The following GPC6 variants were observed in gnomAD, a reference collection of about 807,000 sequenced individuals.
The protein encoded by GPC6 is glypican 6.
In GPC6, 14 loss-of-function variants were observed where a neutral mutation model predicts 55.2. The ratio of observed to expected loss-of-function variants is 0.25; its 90% CI spans 0.17 to 0.40. The LOEUF is 0.40. GPC6 is among the 10% of genes least tolerant of loss of function. The pLI, the probability that GPC6 is intolerant of heterozygous loss-of-function variation, is 1.00. For synonymous variants in GPC6, 278 were observed against 259.6 expected (o/e 1.07, Z -0.68); for missense variants, 641 against 708.5 (o/e 0.90, Z 1.08).
At chr13:93,522,967 C>T (rs960362922) in intron 1 of GPC6, among the ~76,000 whole-genome samples, 1 of 150,904 alleles carries the variant, frequency 6.6e-6, no homozygotes, top group African/African-American at 2.4e-5. Flanking sequence ...AAAGTTATTT[C>T]TCCAATATCA....
chr13:94,110,068 A>AC (rs1886188155), intron 4 of GPC6, among the ~76,000 whole-genome samples: 2 of 151,230 alleles, frequency 1.3e-5, no homozygotes, highest in South Asian at 4.2e-4. Flanking sequence ...GGACTAAAAA[A>AC]AAAAAAAAAA....
At chr13:93,494,277 A>G (rs1200837664) in intron 1 of GPC6, among the ~76,000 whole-genome samples, 1 of 137,002 alleles carries the variant, frequency 7.3e-6, no homozygotes, top group Admixed American at 7.5e-5. Flanking sequence ...CCATTATGTA[A>G]TGGCCTTCTT....
At chr13:93,627,420 G>C (rs1289927132) in intron 2 of GPC6, among the ~76,000 whole-genome samples, 1 of 152,154 alleles carries the variant, frequency 6.6e-6, no homozygotes, top group Non-Finnish European at 1.5e-5. Flanking sequence ...CTAGGGAGAT[G>C]TTGTTAAACC....
intron 1 of GPC6, among the ~76,000 whole-genome samples, chr13:93,361,059 G>T (rs74745966): frequency 0.015 from 2,355 of 152,104 alleles, 50 homozygotes; most frequent in African/African-American, 0.051. Context: ...CTCTTGCTTG[G>T]TGCTACGGAT....
At chr13:93,442,383 A>C (rs910939840) in intron 1 of GPC6, among the ~76,000 whole-genome samples, 2 of 152,138 alleles carry the variant, frequency 1.3e-5, no homozygotes, top group African/African-American at 4.8e-5. Context: ...AAAGGAGAAA[A>C]GGGTCTGATT....
At chr13:94,383,175 G>A (rs924039522) in intron 7 of GPC6, among the ~76,000 whole-genome samples, 50 of 152,238 alleles carry the variant, frequency 3.3e-4, no homozygotes, top group African/African-American at 1.0e-3. Flanking sequence ...GCCCAGAAAC[G>A]GGCTTGGCCT....
chr13:94,176,328 A>C (rs532288973), intron 4 of GPC6, among the ~76,000 whole-genome samples: 2 of 152,164 alleles, frequency 1.3e-5, no homozygotes, highest in African/African-American at 4.8e-5. Context: ...CTCTCCTGAG[A>C]CTATGGTGAT....
intron 2 of GPC6, among the ~76,000 whole-genome samples, chr13:93,713,364 G>A (rs145676114): frequency 6.6e-6 from 1 of 151,394 alleles, no homozygotes; most frequent in Non-Finnish European, 1.5e-5. Flanking sequence ...AGCAAGATCT[G>A]GTTCTTTTAA....
At chr13:93,848,164 C>CA (rs1888265455) in intron 3 of GPC6, among the ~76,000 whole-genome samples, 1 of 152,088 alleles carries the variant, frequency 6.6e-6, no homozygotes. Context: ...ACAAGTATGT[C>CA]AGAGTATTTC....
intron 3 of GPC6, among the ~76,000 whole-genome samples, chr13:93,856,582 G>A (rs1178658637): frequency 6.6e-6 from 1 of 151,644 alleles, no homozygotes; most frequent in Non-Finnish European, 1.5e-5. Context: ...CAATGATGCA[G>A]TGGGTAGTTA....
intron 2 of GPC6, among the ~76,000 whole-genome samples, chr13:93,768,667 C>T (rs1195512472): frequency 6.6e-6 from 1 of 152,094 alleles, no homozygotes; most frequent in Non-Finnish European, 1.5e-5. Flanking sequence ...GTTATGATCG[C>T]GTGCAGTGAT....
chr13:93,900,708 G>A (rs9524273), intron 3 of GPC6, among the ~76,000 whole-genome samples: 90,108 of 151,882 alleles, frequency 0.59, 27,408 homozygotes, highest in East Asian at 0.8. Context: ...TCTTTACATA[G>A]TATTTGGAAA....
intron 3 of GPC6, among the ~76,000 whole-genome samples, chr13:94,009,671 G>A (rs1882163437): frequency 6.6e-6 from 1 of 152,228 alleles, no homozygotes; most frequent in South Asian, 2.1e-4. Context: ...TTAGGCCATG[G>A]CCCTACATAA....
chr13:93,858,385 C>T (rs1888694572), intron 3 of GPC6, among the ~76,000 whole-genome samples: 1 of 151,382 alleles, frequency 6.6e-6, no homozygotes. Flanking sequence ...CATTTTAGGT[C>T]CCATACATAA....
intron 3 of GPC6, among the ~76,000 whole-genome samples, chr13:93,850,388 A>T (rs1168032709): frequency 6.6e-6 from 1 of 151,902 alleles, no homozygotes; most frequent in Non-Finnish European, 1.5e-5. Flanking sequence ...AACTCGGGAG[A>T]CCATTGGTAC....
At chr13:93,322,559 T>C (rs1879492896) in intron 1 of GPC6, among the ~76,000 whole-genome samples, 1 of 149,964 alleles carries the variant, frequency 6.7e-6, no homozygotes, top group South Asian at 2.1e-4. Context: ...GCCTCAGCCT[T>C]CCCAGTAGCT....
Position 93,832,167 on chromosome 13 carries a change from A to G in GPC6, c.711+1622A>G, listed in dbSNP as rs558298233. ...TATAATGTCCTTACATTGAATCTCA[A>G]CAATGTTTTAGATACCAAAGAAACT... On this transcript the variant is annotated intron_variant, in intron 3 of 8. Transcript: ENST00000377047. Among the ~76,000 whole-genome samples, 8 of 131,770 alleles carry G rather than the reference A, an allele frequency of 6.1e-5. No homozygotes were observed. In the South Asian group the frequency reaches 1.8e-3, roughly 30 times the overall value. 86.4% of individuals were successfully genotyped at this position (131,770 alleles called of 152,430 possible). A position where few individuals can be genotyped will look rare whatever the true frequency, so the allele number is the denominator to read the frequency against.
intron 2 of GPC6, among the ~76,000 whole-genome samples, chr13:93,708,469 G>A (rs966272460): frequency 6.6e-6 from 1 of 151,730 alleles, no homozygotes; most frequent in African/African-American, 2.4e-5. Context: ...CTTGTGTTTA[G>A]AGATATCTTT....
chr13:93,952,475 T>C (rs536943032), intron 3 of GPC6, among the ~76,000 whole-genome samples: 6 of 152,196 alleles, frequency 3.9e-5, no homozygotes, highest in Admixed American at 3.9e-4. Context: ...ACAATAATAC[T>C]GGAAATAGTT....
Sources: allele counts gnomAD v4.1 joint callset (sites outside exome capture counted in the v4.1 genomes callset), GRCh38; gene constraint gnomAD v4.1.1; transcripts MANE v1.5; gene names NCBI Gene and HGNC (gene_info 2026-07-23, HGNC 2026-07-21).